The following PCDH7 variants were observed in gnomAD, a reference collection of about 807,000 sequenced individuals.
PCDH7 encodes the protein protocadherin 7.
In PCDH7, 17 loss-of-function variants were observed where a neutral mutation model predicts 58.9. The ratio of observed to expected loss-of-function variants is 0.29; its 90% CI spans 0.20 to 0.43. The LOEUF (loss-of-function observed/expected upper bound fraction) is 0.43. Among genes scored for constraint, PCDH7 ranks in the 20% least tolerant of loss-of-function variants. The pLI, the probability that PCDH7 is intolerant of heterozygous loss-of-function variation, is 1.00. For synonymous variants in PCDH7, 664 were observed against 616.4 expected (o/e 1.08, Z -1.14); for missense variants, 1,274 against 1,441.0 (o/e 0.88, Z 1.88).
chr4:31,071,912 A>G (rs1275883007), intron 3 of PCDH7, among the ~76,000 whole-genome samples: 2 of 152,068 alleles, frequency 1.3e-5, no homozygotes. Context: ...AACACTATTT[A>G]GTTGCTATTA....
chr4:30,785,707 A>G (rs1723306433), intron 1 of PCDH7, among the ~76,000 whole-genome samples: 1 of 152,064 alleles, frequency 6.6e-6, no homozygotes, highest in African/African-American at 2.4e-5. Flanking sequence ...ATTCAGTGAA[A>G]TAAGTCATTA....
chr4:30,866,901 T>G (rs1026620672), intron 1 of PCDH7, among the ~76,000 whole-genome samples: 12 of 152,110 alleles, frequency 7.9e-5, no homozygotes, highest in Non-Finnish European at 1.8e-4. Context: ...TTGTTTTCCT[T>G]TTTCTTTTCC....
At chr4:30,882,130 T>G (rs1055920846) in intron 1 of PCDH7, among the ~76,000 whole-genome samples, 3 of 124,172 alleles carry the variant, frequency 2.4e-5, no homozygotes, top group Non-Finnish European at 3.3e-5. Flanking sequence ...CCCGTTTCTC[T>G]CCCTCTTCCT....
At chr4:31,063,826 C>T (rs946946870) in intron 3 of PCDH7, among the ~76,000 whole-genome samples, 5 of 151,978 alleles carry the variant, frequency 3.3e-5, no homozygotes, top group Admixed American at 1.3e-4. Context: ...GTATGTATTA[C>T]AGCATCTCAA....
At chr4:31,036,318 G>C (rs6843327) in intron 3 of PCDH7, among the ~76,000 whole-genome samples, 93,983 of 151,484 alleles carry the variant, frequency 0.62, 31,816 homozygotes, top group African/African-American at 0.9. Context: ...CCTCAGTAGC[G>C]GGGATTACAG....
chr4:31,031,955 G>A (rs897008485), intron 3 of PCDH7, among the ~76,000 whole-genome samples: 12 of 152,138 alleles, frequency 7.9e-5, no homozygotes, highest in East Asian at 1.9e-4. Flanking sequence ...TAAGTAGTAC[G>A]TAATATCTAT....
At chr4:30,914,797 G>A (rs1254100017) in intron 1 of PCDH7, among the ~76,000 whole-genome samples, 6 of 152,156 alleles carry the variant, frequency 3.9e-5, no homozygotes, top group Admixed American at 3.3e-4. Flanking sequence ...GCAAGGGGCA[G>A]TTACTATTGT....
At chr4:31,056,444 A>AGG (rs1360961407) in intron 3 of PCDH7, among the ~76,000 whole-genome samples, 648 of 46,888 alleles carry the variant, frequency 0.014, 15 homozygotes, top group African/African-American at 0.11. Flanking sequence ...GAAAGAAGGA[A>AGG]AGAAAGAAAG....
Position 30,730,932 on chromosome 4 carries a change from T to C in PCDH7, c.*144T>C, listed in dbSNP as rs538124146. The C allele has an allele frequency of 1.0e-5, 14 of 1,344,452 alleles. No homozygotes were observed. The East Asian group carries it at 1.1e-4, about 10-fold the overall frequency. The allele number at this position is 1,344,452 out of a possible 1,614,324, so 83.3% of individuals were successfully genotyped here. ...GTTGTACATTTTATTTTTGAGTCTT[T>C]TTCTTTCTCATATACAGAAAAATAG... On this transcript the variant is annotated 3_prime_UTR_variant, in exon 2 of 2. Transcript: ENST00000361762.
chr4:30,748,286 C>T (rs1414459168), intron 1 of PCDH7, among the ~76,000 whole-genome samples: 4 of 152,176 alleles, frequency 2.6e-5, no homozygotes, highest in Admixed American at 6.5e-5. Flanking sequence ...TAGGTCTCAT[C>T]CTACTTCTTT....
At chr4:31,003,380 T>G (rs1461168870) in intron 3 of PCDH7, among the ~76,000 whole-genome samples, 2 of 148,108 alleles carry the variant, frequency 1.4e-5, no homozygotes. Context: ...AAAATACTGT[T>G]TTTTTTTTTC....
intron 3 of PCDH7, among the ~76,000 whole-genome samples, chr4:31,032,114 G>T (rs1168024817): frequency 6.6e-6 from 1 of 152,088 alleles, no homozygotes; most frequent in Non-Finnish European, 1.5e-5. Context: ...CATGTGTCAG[G>T]CTATGACAAA....
At chr4:31,134,800 G>A (rs1180125320) in intron 3 of PCDH7, among the ~76,000 whole-genome samples, 1 of 152,140 alleles carries the variant, frequency 6.6e-6, no homozygotes, top group Admixed American at 6.5e-5. Flanking sequence ...CTCAAGTGGG[G>A]TTCCATCTGC....
At chr4:30,744,847 C>G (rs1471086942) in intron 1 of PCDH7, among the ~76,000 whole-genome samples, 2 of 152,212 alleles carry the variant, frequency 1.3e-5, no homozygotes, top group East Asian at 3.9e-4. Flanking sequence ...CTTTAATTGT[C>G]AATCCTAGAA....
chr4:30,984,964 T>G (rs1223151406), intron 3 of PCDH7, among the ~76,000 whole-genome samples: 2 of 152,084 alleles, frequency 1.3e-5, no homozygotes, highest in African/African-American at 4.8e-5. Context: ...ATATTTCATC[T>G]TTTTGTTGTT....
At chr4:30,734,301 C>T (rs968717238), downstream of PCDH7, among the ~76,000 whole-genome samples, 12 of 151,616 alleles carry the variant, frequency 7.9e-5, no homozygotes, top group East Asian at 3.9e-4. Flanking sequence ...AGCACAGTCA[C>T]GGCTCACTGC....
At chr4:31,053,306 G>A (rs529197564) in intron 3 of PCDH7, among the ~76,000 whole-genome samples, 1 of 151,926 alleles carries the variant, frequency 6.6e-6, no homozygotes, top group Admixed American at 6.6e-5. Context: ...CTATCTTTCT[G>A]AACTTTACAT....
intron 1 of PCDH7, among the ~76,000 whole-genome samples, chr4:30,804,478 G>T (rs1401612625): frequency 6.6e-6 from 1 of 151,416 alleles, no homozygotes. Flanking sequence ...GGCAGAGGTT[G>T]CAGTGAACAG....
intron 3 of PCDH7, among the ~76,000 whole-genome samples, chr4:31,089,383 G>T (rs753357792): frequency 6.6e-6 from 1 of 151,754 alleles, no homozygotes; most frequent in Non-Finnish European, 1.5e-5. Context: ...AGGATTTTTG[G>T]ATACTTTACC....
Sources: allele counts gnomAD v4.1 joint callset (sites outside exome capture counted in the v4.1 genomes callset), GRCh38; gene constraint gnomAD v4.1.1; transcripts MANE v1.5; gene names NCBI Gene and HGNC (gene_info 2026-07-23, HGNC 2026-07-21).